GABRB1: variants seen among roughly 807,000 people sequenced by gnomAD.
GABRB1 encodes gamma-aminobutyric acid type A receptor subunit beta1.
GABRB1 carries 17 observed loss-of-function variants against 51.6 expected under a neutral mutation model. The observed-to-expected ratio is 0.33, with a 90% CI of 0.23 to 0.49. The LOEUF is 0.49. Among genes scored for constraint, GABRB1 ranks in the 20% least tolerant of loss-of-function variants. The pLI is 0.99. For missense variants in GABRB1, 410 were observed against 600.6 expected, an observed-to-expected ratio of 0.68 and a Z score of 3.32; for synonymous variants, 247 against 218.9, an observed-to-expected ratio of 1.13 and a Z score of -1.14.
intron 5 of GABRB1, among the ~76,000 whole-genome samples, chr4:47,373,736 T>C (rs192271894): frequency 7.2e-5 from 11 of 152,314 alleles, no homozygotes; most frequent in African/African-American, 2.2e-4. Flanking sequence ...GTGGCAACTA[T>C]GTGGGAAGGT....
chr4:47,169,797 C>A (rs569598206), intron 4 of GABRB1, among the ~76,000 whole-genome samples: 2 of 152,218 alleles, frequency 1.3e-5, no homozygotes, highest in Admixed American at 1.3e-4. Context: ...CCACCGTGCC[C>A]GGCCTTGAAA....
Position 47,280,625 on chromosome 4 carries a change from A to T in GABRB1, c.462-39502A>T, listed in dbSNP as rs540532722. The stretch of plus-strand genomic sequence containing the variant: ...TGTCTGAGAAAGTTTTTATCTCACC[A>T]TCCCCCAACACTATTTTATTTTTTT... On this transcript the variant is annotated intron_variant, in intron 4 of 8. Transcript: ENST00000295454. Among the ~76,000 whole-genome samples the T allele has an allele frequency of 7.3e-5, 11 of 150,742 alleles. No individual in the cohort carries two copies. In the South Asian group the frequency reaches 2.1e-3, roughly 29 times the overall value.
At chr4:47,305,872 TTAAAA>T (rs1393336087) in intron 4 of GABRB1, among the ~76,000 whole-genome samples, 1 of 152,120 alleles carries the variant, frequency 6.6e-6, no homozygotes, top group Non-Finnish European at 1.5e-5. Context: ...AAAGCAACAT[TTAAAA>T]TAAGAGTGTA....
At chr4:47,229,758 G>C (rs549826572) in intron 4 of GABRB1, among the ~76,000 whole-genome samples, 1 of 152,214 alleles carries the variant, frequency 6.6e-6, no homozygotes, top group South Asian at 2.1e-4. Context: ...GCAATATAAA[G>C]AAAGGGGCAC....
At chr4:47,094,858 C>A (rs1714326907) in intron 3 of GABRB1, among the ~76,000 whole-genome samples, 1 of 151,904 alleles carries the variant, frequency 6.6e-6, no homozygotes, top group African/African-American at 2.4e-5. Flanking sequence ...GTTGAGGTGT[C>A]CAAGCTTTAG....
chr4:47,036,775 T>C (rs1047666970), intron 3 of GABRB1, among the ~76,000 whole-genome samples: 2 of 151,536 alleles, frequency 1.3e-5, no homozygotes, highest in Non-Finnish European at 2.9e-5. Context: ...GGCATGAGAA[T>C]CACTTGAACC....
intron 5 of GABRB1, among the ~76,000 whole-genome samples, chr4:47,394,157 A>G (rs1728101110): frequency 6.6e-6 from 1 of 152,316 alleles, no homozygotes; most frequent in South Asian, 2.1e-4. Flanking sequence ...TCTAAAGCTA[A>G]CATGGAAGCT....
chr4:47,023,023 C>T (rs570824204), intron 1 of GABRB1, among the ~76,000 whole-genome samples: 10 of 151,978 alleles, frequency 6.6e-5, no homozygotes, highest in Admixed American at 1.3e-4. Flanking sequence ...TCATTTGCAA[C>T]GACATGGATG....
intron 5 of GABRB1, among the ~76,000 whole-genome samples, chr4:47,401,848 T>C (rs1200346733): frequency 1.0e-5 from 1 of 99,994 alleles, no homozygotes; most frequent in African/African-American, 4.0e-5. Flanking sequence ...ATCATCTATC[T>C]ATCTATCTAT....
intron 4 of GABRB1, among the ~76,000 whole-genome samples, chr4:47,298,077 G>A (rs1008191869): frequency 4.6e-5 from 7 of 152,134 alleles, no homozygotes; most frequent in African/African-American, 1.7e-4. Flanking sequence ...ATTAGGTATT[G>A]ATGGGACGTA....
intron 4 of GABRB1, among the ~76,000 whole-genome samples, chr4:47,241,128 T>A (rs1721502385): frequency 6.6e-6 from 1 of 152,252 alleles, no homozygotes; most frequent in Admixed American, 6.5e-5. Context: ...CAGCATCATT[T>A]ATAGTTTTAC....
At chr4:47,110,095 G>A (rs1284633154) in intron 3 of GABRB1, among the ~76,000 whole-genome samples, 1 of 152,124 alleles carries the variant, frequency 6.6e-6, no homozygotes, top group Non-Finnish European at 1.5e-5. Context: ...GGAACAGCAA[G>A]GAACCTAATG....
At chr4:47,354,567 C>G (rs1726482090) in intron 5 of GABRB1, among the ~76,000 whole-genome samples, 1 of 152,070 alleles carries the variant, frequency 6.6e-6, no homozygotes, top group Non-Finnish European at 1.5e-5. Flanking sequence ...GTTCTCTTTT[C>G]CTTTCATCTT....
chr4:47,336,223 T>G (rs1725692594), intron 5 of GABRB1, among the ~76,000 whole-genome samples: 1 of 152,164 alleles, frequency 6.6e-6, no homozygotes, highest in Non-Finnish European at 1.5e-5. Flanking sequence ...AAATATAAAT[T>G]TACAAGTCAT....
chr4:47,112,327 G>A (rs778185659), intron 3 of GABRB1, among the ~76,000 whole-genome samples: 12 of 151,838 alleles, frequency 7.9e-5, no homozygotes, highest in Middle Eastern at 3.2e-3. Context: ...GGCTGATCTC[G>A]ACCTCCTGAC....
At chr4:47,223,294 T>C (rs970938472) in intron 4 of GABRB1, among the ~76,000 whole-genome samples, 2 of 152,120 alleles carry the variant, frequency 1.3e-5, no homozygotes, top group Non-Finnish European at 2.9e-5. Flanking sequence ...ACGCTAGTAT[T>C]TTTCATTTGT....
intron 5 of GABRB1, among the ~76,000 whole-genome samples, chr4:47,348,608 C>T (rs1726190291): frequency 6.6e-6 from 1 of 152,174 alleles, no homozygotes; most frequent in Non-Finnish European, 1.5e-5. Flanking sequence ...TGAAACACTT[C>T]TGGTTCCAAA....
intron 3 of GABRB1, among the ~76,000 whole-genome samples, chr4:47,095,327 G>A (rs1714358688): frequency 6.6e-6 from 1 of 152,070 alleles, no homozygotes; most frequent in African/African-American, 2.4e-5. Context: ...CCTGGCAAGA[G>A]CAACAGTAGT....
chr4:47,352,531 A>C (rs529926992), intron 5 of GABRB1, among the ~76,000 whole-genome samples: 38 of 152,306 alleles, frequency 2.5e-4, no homozygotes, highest in Admixed American at 2.0e-3. Context: ...AATACTGGCA[A>C]ACCGAATCCA....
Sources: allele counts gnomAD v4.1 joint callset (sites outside exome capture counted in the v4.1 genomes callset), GRCh38; gene constraint gnomAD v4.1.1; transcripts MANE v1.5; gene names NCBI Gene and HGNC (gene_info 2026-07-23, HGNC 2026-07-21).